Variants in GARIN6 observed in about 807,000 individuals in gnomAD.
GARIN6 encodes golgi associated RAB2 interactor family member 6.
At chr12:99,648,747 A>G in the GARIN6 span, 51 of 1,613,594 alleles carry the variant, frequency 3.2e-5, no homozygotes, top group African/African-American at 4.3e-4. Context: ...CTGGGAACAC[A>G]TTGGACTCAT....
the GARIN6 span, chr12:99,649,247 T>C: frequency 1.4e-6 from 2 of 1,443,546 alleles, no homozygotes; most frequent in Non-Finnish European, 9.8e-7. Context: ...AAAGGAGATC[T>C]TGCTGGTCTC....
chr12:99,648,480 T>C, the GARIN6 span: 2 of 1,614,158 alleles, frequency 1.2e-6, no homozygotes, highest in African/African-American at 1.3e-5. Context: ...GGTGTGGTCC[T>C]GCCACCCAGA....
At chr12:99,648,422 C>A in the GARIN6 span, 2 of 1,614,192 alleles carry the variant, frequency 1.2e-6, no homozygotes, top group South Asian at 2.2e-5. Context: ...CTCACACTAC[C>A]TGATGTCATG....
At chr12:99,648,913 C>T in the GARIN6 span, 1 of 1,325,384 alleles carries the variant, frequency 7.5e-7, no homozygotes, top group South Asian at 1.6e-5. Flanking sequence ...GTCTGAAGGC[C>T]AAATGAGCTT....
chr12:99,648,778 A>G, the GARIN6 span: 1 of 1,610,874 alleles, frequency 6.2e-7, no homozygotes, highest in Non-Finnish European at 8.5e-7. Flanking sequence ...GGAAGTGCAG[A>G]GGAGCCCAGT....
At chr12:99,648,080 C>T in the GARIN6 span, 1 of 1,505,078 alleles carries the variant, frequency 6.6e-7, no homozygotes, top group African/African-American at 1.4e-5. Flanking sequence ...TGCTGGCCCA[C>T]CTGCCAGAGT....
At chr12:99,648,181 G>T in the GARIN6 span, 1 of 1,611,528 alleles carries the variant, frequency 6.2e-7, no homozygotes, top group South Asian at 1.1e-5. Context: ...AGACATGGAG[G>T]ACTGCTGTAT....
At chr12:99,648,740 G>A in the GARIN6 span, 7 of 1,613,700 alleles carry the variant, frequency 4.3e-6, no homozygotes, top group Middle Eastern at 1.7e-4. Flanking sequence ...ATCCTAGCTG[G>A]GAACACATTG....
chr12:99,649,386 A>G, the GARIN6 span: 6 of 1,613,424 alleles, frequency 3.7e-6, no homozygotes, highest in East Asian at 1.1e-4. Flanking sequence ...GTGATTATAC[A>G]ATAGAGATAT....
At chr12:99,649,650 T>C in the GARIN6 span, 1 of 424,436 alleles carries the variant, frequency 2.4e-6, no homozygotes, top group Non-Finnish European at 4.3e-6. Flanking sequence ...TGCTTCCATG[T>C]CTTAATCTTG....
At chr12:99,649,817 T>C in the GARIN6 span, 1 of 151,564 alleles carries the variant, frequency 6.6e-6, no homozygotes. Flanking sequence ...ATCTCTCTGC[T>C]ACTCAAAGGC....
chr12:99,649,409 C>T, the GARIN6 span: 1 of 1,587,310 alleles, frequency 6.3e-7, no homozygotes, highest in Non-Finnish European at 8.7e-7. Flanking sequence ...ATCCAACATA[C>T]CTCCCACATA....
chr12:99,648,043 C>CA, the GARIN6 span: 1 of 1,306,884 alleles, frequency 7.7e-7, no homozygotes, highest in Non-Finnish European at 1.0e-6. Context: ...CACTTGGGGA[C>CA]AAAAAAGAAA....
chr12:99,648,545 T>A, the GARIN6 span: 1 of 1,614,206 alleles, frequency 6.2e-7, no homozygotes. Flanking sequence ...CTTCCCTTGA[T>A]GTTTGTGAAA....
chr12:99,649,660 G>A, the GARIN6 span: 1 of 393,738 alleles, frequency 2.5e-6, no homozygotes, highest in South Asian at 3.4e-5. Context: ...TCTTAATCTT[G>A]TTATAGCAAG....
chr12:99,648,551 T>C, the GARIN6 span: 1 of 1,614,120 alleles, frequency 6.2e-7, no homozygotes, highest in Non-Finnish European at 8.5e-7. Context: ...TTGATGTTTG[T>C]GAAAATAACC....
the GARIN6 span, chr12:99,648,664 G>A: frequency 6.2e-7 from 1 of 1,614,160 alleles, no homozygotes. Context: ...AGACCTTTTT[G>A]TTCACTGGGA....
the GARIN6 span, chr12:99,649,250 C>G: frequency 6.9e-7 from 1 of 1,457,122 alleles, no homozygotes; most frequent in Non-Finnish European, 9.6e-7. Flanking sequence ...GGAGATCTTG[C>G]TGGTCTCACT....
chr12:99,649,424 A>G, the GARIN6 span: 3 of 1,572,468 alleles, frequency 1.9e-6, no homozygotes, highest in Non-Finnish European at 2.6e-6. Context: ...CACATATACT[A>G]CGTTCAAGAG....
Sources: allele counts gnomAD v4.1 joint callset, GRCh38; gene constraint gnomAD v4.1.1; transcripts MANE v1.5; gene names NCBI Gene and HGNC (gene_info 2026-07-23, HGNC 2026-07-21).